ZFAT: variants seen among roughly 807,000 people sequenced by gnomAD.
The protein encoded by ZFAT is zinc finger and AT-hook domain containing, also known as zinc finger protein ZFAT.
In ZFAT, 64 loss-of-function variants were observed where a neutral mutation model predicts 117.7. The observed-to-expected ratio is 0.54, with a 90% CI of 0.44 to 0.67. ZFAT has a LOEUF of 0.67. Ranked by LOEUF, ZFAT falls within the 30% of genes least tolerant of loss-of-function variation. The pLI is 0.00. For missense variants in ZFAT, 1,433 were observed against 1,584.5 expected, an observed-to-expected ratio of 0.90 and a Z score of 1.62; for synonymous variants, 679 against 615.0, an observed-to-expected ratio of 1.10 and a Z score of -1.54.
At chr8:134,585,108 A>C (rs1825977207) in intron 9 of ZFAT, among the ~76,000 whole-genome samples, 1 of 152,190 alleles carries the variant, frequency 6.6e-6, no homozygotes, top group South Asian at 2.1e-4. Context: ...CATCTCTGTA[A>C]AATGACAGGA....
At chr8:134,768,756 C>T in the ZFAT span, among the ~76,000 whole-genome samples, 1 of 152,206 alleles carries the variant, frequency 6.6e-6, no homozygotes. Context: ...GGTGGGGACA[C>T]AGTCAAACCA....
At chr8:134,783,142 G>A in the ZFAT span, among the ~76,000 whole-genome samples, 6 of 152,096 alleles carry the variant, frequency 3.9e-5, no homozygotes, top group Admixed American at 3.9e-4. Flanking sequence ...CCAGTTAAAA[G>A]TTTGAGATTT....
chr8:134,485,923 C>T (rs749472190), intron 15 of ZFAT, among the ~76,000 whole-genome samples: 24 of 152,258 alleles, frequency 1.6e-4, no homozygotes, highest in South Asian at 6.2e-4. Context: ...AAACAGGGTG[C>T]GAAGAACCTC....
the ZFAT span, among the ~76,000 whole-genome samples, chr8:134,822,974 C>T: frequency 3.9e-3 from 601 of 152,252 alleles, 4 homozygotes; most frequent in African/African-American, 0.014. Context: ...AAAAGGGGAA[C>T]ATCTGTTCTC....
intron 2 of ZFAT, among the ~76,000 whole-genome samples, chr8:134,648,545 C>T (rs1331596972): frequency 2.0e-5 from 3 of 151,896 alleles, no homozygotes; most frequent in Admixed American, 1.3e-4. Context: ...TATATGTCAA[C>T]AAATTAGACA....
chr8:134,663,038 A>G (rs1285049031), intron 1 of ZFAT, among the ~76,000 whole-genome samples: 1 of 152,250 alleles, frequency 6.6e-6, no homozygotes, highest in East Asian at 1.9e-4. Context: ...CTCATGAACG[A>G]ATACTGCCAT....
intron 1 of ZFAT, among the ~76,000 whole-genome samples, chr8:134,676,287 G>T (rs531977300): frequency 6.7e-6 from 1 of 149,654 alleles, no homozygotes; most frequent in African/African-American, 2.5e-5. Flanking sequence ...AATCCCAGGG[G>T]TTGCAATCCT....
At chr8:134,648,473 G>A (rs186034588) in intron 2 of ZFAT, among the ~76,000 whole-genome samples, 2 of 151,962 alleles carry the variant, frequency 1.3e-5, no homozygotes, top group African/African-American at 4.8e-5. Flanking sequence ...TAATGAAAGG[G>A]AGAACATTAC....
chr8:134,673,730 CTGATT>C (rs58250689), intron 1 of ZFAT, among the ~76,000 whole-genome samples: 54,182 of 151,790 alleles, frequency 0.36, 9,659 homozygotes, highest in South Asian at 0.4. Flanking sequence ...GCTCTACTTA[CTGATT>C]TGATCTAAAA....
intron 14 of ZFAT, 113 bp from the exon 15 acceptor site, chr8:134,509,862 G>A (rs2130363410): frequency 7.4e-7 from 1 of 1,343,624 alleles, no homozygotes; most frequent in East Asian, 2.3e-5. Context: ...GAGGATGCAT[G>A]GGCTCTCCGT....
intron 10 of ZFAT, among the ~76,000 whole-genome samples, chr8:134,581,801 G>A (rs1287929589): frequency 1.3e-5 from 2 of 152,122 alleles, no homozygotes; most frequent in African/African-American, 4.8e-5. Context: ...TCCCAGGCTG[G>A]TCTCAAACTC....
the ZFAT span, chr8:134,794,752 A>G: frequency 6.6e-6 from 1 of 152,250 alleles, no homozygotes; most frequent in Non-Finnish European, 1.5e-5. Context: ...ATGCAGTTTT[A>G]AAAACACACG....
intron 1 of ZFAT, among the ~76,000 whole-genome samples, chr8:134,691,348 G>GA (rs1833573597): frequency 4.4e-5 from 1 of 22,794 alleles, no homozygotes; most frequent in Non-Finnish European, 9.0e-5. Flanking sequence ...GCTCAGGCGG[G>GA]GCTCAGGTGG....
At chr8:134,783,697 C>A in the ZFAT span, 1 of 152,158 alleles carries the variant, frequency 6.6e-6, no homozygotes, top group Non-Finnish European at 1.5e-5. Context: ...AGAAAAGTTA[C>A]GTTGACAATT....
intron 7 of ZFAT, among the ~76,000 whole-genome samples, chr8:134,590,829 A>C (rs1826447848): frequency 6.6e-6 from 1 of 151,732 alleles, no homozygotes. Flanking sequence ...CATCACCACG[A>C]CCCCCCTCAC....
intron 2 of ZFAT, among the ~76,000 whole-genome samples, chr8:134,655,170 G>A (rs1358175902): frequency 6.6e-6 from 1 of 152,206 alleles, no homozygotes; most frequent in Non-Finnish European, 1.5e-5. Context: ...GGACGGTTGA[G>A]AGGGAGGTGA....
At chr8:134,722,595 T>C in the ZFAT span, among the ~76,000 whole-genome samples, 1 of 152,086 alleles carries the variant, frequency 6.6e-6, no homozygotes, top group Non-Finnish European at 1.5e-5. Flanking sequence ...CTCAAAATCA[T>C]TGAAGCACAT....
chr8:134,558,165 G>A (rs1586705577), intron 11 of ZFAT, among the ~76,000 whole-genome samples: 1 of 152,210 alleles, frequency 6.6e-6, no homozygotes, highest in Non-Finnish European at 1.5e-5. Flanking sequence ...CAATCTTGCA[G>A]GAAGGGTGGC....
intron 3 of ZFAT, among the ~76,000 whole-genome samples, chr8:134,622,122 C>T (rs1829160537): frequency 6.6e-6 from 1 of 152,200 alleles, no homozygotes; most frequent in African/African-American, 2.4e-5. Flanking sequence ...CAATTATATA[C>T]ATGAAAGTCC....
Sources: allele counts gnomAD v4.1 joint callset (sites outside exome capture counted in the v4.1 genomes callset), GRCh38; gene constraint gnomAD v4.1.1; transcripts MANE v1.5; gene names NCBI Gene and HGNC (gene_info 2026-07-23, HGNC 2026-07-21).